Variants in CRPPA observed in about 807,000 individuals in gnomAD.
CRPPA encodes CDP-L-ribitol pyrophosphorylase A, also known as D-ribitol-5-phosphate cytidylyltransferase.
CRPPA carries 43 observed loss-of-function variants against 52.0 expected under a neutral mutation model. The ratio of observed to expected loss-of-function variants is 0.83; its 90% confidence interval spans 0.65 to 1.07. CRPPA has a LOEUF of 1.07. Among genes scored for constraint, CRPPA ranks in the 50% least tolerant of loss-of-function variants. The pLI, the probability that CRPPA is intolerant of heterozygous loss-of-function variation, is 0.00. For synonymous variants in CRPPA, 250 were observed against 203.5 expected (o/e 1.23, Z -1.94); for missense variants, 629 against 551.7 (o/e 1.14, Z -1.40).
intron 9 of CRPPA, among the ~76,000 whole-genome samples, chr7:16,124,036 A>ATACTCATT (rs1384628173): frequency 1.3e-5 from 2 of 151,948 alleles, no homozygotes; most frequent in Admixed American, 6.6e-5. Context: ...TCCCTATCAC[A>ATACTCATT]TACTCATTTC....
chr7:16,144,742 C>T (rs571062158), intron 9 of CRPPA, among the ~76,000 whole-genome samples: 27 of 152,210 alleles, frequency 1.8e-4, no homozygotes, highest in African/African-American at 3.6e-4. Flanking sequence ...TAAATGCGAG[C>T]GGGGCTGGCT....
intron 3 of CRPPA, among the ~76,000 whole-genome samples, chr7:16,360,674 T>C (rs535870474): frequency 6.6e-6 from 1 of 152,328 alleles, no homozygotes; most frequent in East Asian, 1.9e-4. Flanking sequence ...AATATCCATA[T>C]GCACATGAAT....
chr7:16,400,950 G>C (rs1787800855), intron 2 of CRPPA, among the ~76,000 whole-genome samples: 1 of 152,172 alleles, frequency 6.6e-6, no homozygotes, highest in Non-Finnish European at 1.5e-5. Flanking sequence ...ATGGAATCAG[G>C]GTACACCACC....
At chr7:16,092,790 G>C (rs1197864533) in intron 9 of CRPPA, among the ~76,000 whole-genome samples, 2 of 152,076 alleles carry the variant, frequency 1.3e-5, no homozygotes, top group African/African-American at 4.8e-5. Flanking sequence ...CCCATTACCT[G>C]GTAATAAAAT....
At chr7:16,315,829 A>G (rs1785132878) in intron 3 of CRPPA, among the ~76,000 whole-genome samples, 3 of 152,120 alleles carry the variant, frequency 2.0e-5, no homozygotes, top group Admixed American at 2.0e-4. Flanking sequence ...CTACCCTGTC[A>G]CTATTTCCCA....
At chr7:16,312,116 C>T (rs1785046436) in intron 3 of CRPPA, among the ~76,000 whole-genome samples, 1 of 151,970 alleles carries the variant, frequency 6.6e-6, no homozygotes, top group African/African-American at 2.4e-5. Flanking sequence ...TCTTGTGCCT[C>T]TTCAGATAAA....
intron 8 of CRPPA, among the ~76,000 whole-genome samples, chr7:16,253,477 T>C (rs1344596246): frequency 6.6e-6 from 1 of 152,198 alleles, no homozygotes; most frequent in Non-Finnish European, 1.5e-5. Flanking sequence ...AGACAGACTG[T>C]TACGATTTCT....
rs1433571860 is a variant in CRPPA at position 16,320,286 on chromosome 7, TTA to T, written c.685-11661_685-11660del. The stretch of plus-strand genomic sequence containing the variant: ...TGTCTTCCATAAAAGTGGTTTCAAT[TTA>T]TGTTTGCATAAACAATGTATGAGAA... On this transcript the variant is annotated intron_variant, in intron 3 of 9. Transcript: ENST00000407010. Among the ~76,000 whole-genome samples, 3 of 152,264 alleles carry T rather than the reference TTA, an allele frequency of 2.0e-5. No individual in the cohort carries two copies. In the East Asian group the frequency reaches 5.8e-4, roughly 29 times the overall value.
chr7:16,176,753 C>A (rs200483230), intron 9 of CRPPA, among the ~76,000 whole-genome samples: 1 of 151,372 alleles, frequency 6.6e-6, no homozygotes, highest in South Asian at 2.1e-4. Flanking sequence ...AATTATTCTC[C>A]TAAAGTTAAA....
intron 9 of CRPPA, among the ~76,000 whole-genome samples, chr7:16,175,858 T>C (rs1312959540): frequency 6.6e-6 from 1 of 152,148 alleles, no homozygotes; most frequent in African/African-American, 2.4e-5. Flanking sequence ...TTCTATTGGA[T>C]CTCTGAGCTT....
chr7:16,286,837 C>G (rs1052393542), intron 5 of CRPPA, among the ~76,000 whole-genome samples: 1 of 152,102 alleles, frequency 6.6e-6, no homozygotes. Context: ...AGTATTGAAT[C>G]TAAGTATTCC....
At chr7:16,314,850 C>T (rs1785110314) in intron 3 of CRPPA, among the ~76,000 whole-genome samples, 1 of 152,046 alleles carries the variant, frequency 6.6e-6, no homozygotes, top group East Asian at 1.9e-4. Flanking sequence ...GTATAATATG[C>T]TTAGGTGTAG....
chr7:16,342,384 AG>A (rs1345279351), intron 3 of CRPPA, among the ~76,000 whole-genome samples: 1 of 152,212 alleles, frequency 6.6e-6, no homozygotes, highest in Non-Finnish European at 1.5e-5. Flanking sequence ...TTAAGAGACC[AG>A]GTAAATCATT....
intron 6 of CRPPA, among the ~76,000 whole-genome samples, chr7:16,274,290 C>T (rs906435532): frequency 1.3e-5 from 2 of 152,072 alleles, no homozygotes; most frequent in African/African-American, 4.8e-5. Context: ...CTTCGTGATC[C>T]GCCCACCTCG....
intron 9 of CRPPA, among the ~76,000 whole-genome samples, chr7:16,117,896 C>G (rs1782409977): frequency 6.6e-6 from 1 of 152,168 alleles, no homozygotes; most frequent in African/African-American, 2.4e-5. Context: ...ACTTACTTCC[C>G]CACCTTTGAG....
At chr7:16,376,003 T>C in intron 3 of CRPPA, 89 bp downstream of exon 3, 1 of 1,260,092 alleles carries the variant, frequency 7.9e-7, no homozygotes, top group South Asian at 1.5e-5. Context: ...ATACGCTCAG[T>C]CCCATCAGTT....
chr7:16,396,853 T>C (rs757167471), intron 2 of CRPPA, among the ~76,000 whole-genome samples: 1 of 152,202 alleles, frequency 6.6e-6, no homozygotes, highest in African/African-American at 2.4e-5. Context: ...TGACACGTAA[T>C]GGAAGATGAC....
At chr7:16,359,112 A>G (rs979643150) in intron 3 of CRPPA, among the ~76,000 whole-genome samples, 1 of 152,052 alleles carries the variant, frequency 6.6e-6, no homozygotes, top group Non-Finnish European at 1.5e-5. Flanking sequence ...AATAACCTTG[A>G]TGTTGTGTTT....
At chr7:16,273,387 G>A (rs1197777195) in intron 6 of CRPPA, among the ~76,000 whole-genome samples, 2 of 151,990 alleles carry the variant, frequency 1.3e-5, no homozygotes, top group African/African-American at 4.8e-5. Flanking sequence ...GGAACAGCAG[G>A]GGCCAGAAGA....
Sources: gnomAD v4.1 joint callset for allele counts (sites outside exome capture counted in the v4.1 genomes callset) on GRCh38, gnomAD v4.1.1 for gene constraint, MANE v1.5 for transcripts, NCBI Gene and HGNC (gene_info 2026-07-23, HGNC 2026-07-21) for gene names.